CNTNAP2: variants seen among roughly 807,000 people sequenced by gnomAD.
CNTNAP2 encodes contactin associated protein 2, also known as contactin-associated protein-like 2.
In CNTNAP2, 98 loss-of-function variants were observed where a neutral mutation model predicts 155.2. The observed-to-expected ratio is 0.63, with a 90% confidence interval of 0.54 to 0.75. The LOEUF (loss-of-function observed/expected upper bound fraction) is 0.75. Ranked by LOEUF, CNTNAP2 falls within the 30% of genes least tolerant of loss-of-function variation. The pLI is 0.00. For missense variants in CNTNAP2, 1,727 were observed against 1,688.1 expected, an observed-to-expected ratio of 1.02 and a Z score of -0.40; for synonymous variants, 651 against 631.2, an observed-to-expected ratio of 1.03 and a Z score of -0.47.
chr7:147,480,003 A>G (rs915651327), intron 10 of CNTNAP2, among the ~76,000 whole-genome samples: 1 of 152,180 alleles, frequency 6.6e-6, no homozygotes, highest in African/African-American at 2.4e-5. Context: ...ATATCCTTTC[A>G]ACTGAAATCA....
At chr7:147,652,837 C>T (rs910349172) in intron 13 of CNTNAP2, among the ~76,000 whole-genome samples, 1 of 152,052 alleles carries the variant, frequency 6.6e-6, no homozygotes, top group South Asian at 2.1e-4. Flanking sequence ...TATATTGAAA[C>T]ATTAATATGG....
intron 15 of CNTNAP2, among the ~76,000 whole-genome samples, chr7:148,029,692 A>G (rs1281349337): frequency 1.3e-5 from 2 of 152,160 alleles, no homozygotes; most frequent in Non-Finnish European, 2.9e-5. Flanking sequence ...TAATACCTTG[A>G]CTCGATGGTA....
At chr7:147,962,436 C>T (rs904588887) in intron 14 of CNTNAP2, among the ~76,000 whole-genome samples, 4 of 152,116 alleles carry the variant, frequency 2.6e-5, no homozygotes, top group African/African-American at 9.7e-5. Flanking sequence ...TGAACTATTT[C>T]CTGTTATAGA....
At position 146,774,735 on chromosome 7, in the gene CNTNAP2, G is replaced by A. The variant is rs550777610; in HGVS notation, c.208+354G>A. 1.2e-4 allele frequency among the ~76,000 whole-genome samples: 18 copies of A among 152,056 alleles called. 1 individual carries two copies. In the Middle Eastern group the frequency reaches 0.017, roughly 145 times the overall value. On this transcript the variant is annotated intron_variant, in intron 2 of 23. Coordinates refer to ENST00000361727, the MANE Select transcript of CNTNAP2 (RefSeq NM_014141.6). ...AAGAATTGACTCCCAAAATGCGTAC[G>A]GTGTATTAAAAAAAGCACTTTGTAT...
At chr7:148,168,238 T>C (rs1360811743) in intron 17 of CNTNAP2, among the ~76,000 whole-genome samples, 1 of 152,086 alleles carries the variant, frequency 6.6e-6, no homozygotes, top group Middle Eastern at 3.4e-3. Context: ...TTATAAATCA[T>C]GCTGCTATAA....
intron 1 of CNTNAP2, among the ~76,000 whole-genome samples, chr7:146,576,189 G>A (rs1352537546): frequency 6.6e-6 from 1 of 152,196 alleles, no homozygotes; most frequent in Non-Finnish European, 1.5e-5. Context: ...ACTCCCATGT[G>A]ATACGGTGAT....
chr7:147,264,596 C>T (rs774522693), intron 8 of CNTNAP2, among the ~76,000 whole-genome samples: 18 of 150,572 alleles, frequency 1.2e-4, no homozygotes, highest in African/African-American at 4.4e-4. Context: ...AGGCTAGCCT[C>T]GTCAAGCCAT....
intron 9 of CNTNAP2, among the ~76,000 whole-genome samples, chr7:147,310,585 G>C (rs1203185262): frequency 2.6e-5 from 4 of 152,100 alleles, no homozygotes; most frequent in African/African-American, 9.7e-5. Context: ...TGTATATCTG[G>C]TGCAAATATG....
At chr7:146,697,489 T>C (rs1296154381) in intron 1 of CNTNAP2, among the ~76,000 whole-genome samples, 2 of 152,216 alleles carry the variant, frequency 1.3e-5, no homozygotes, top group African/African-American at 2.4e-5. Context: ...TCTTCCCTTC[T>C]CAGCCTCCCA....
intron 10 of CNTNAP2, among the ~76,000 whole-genome samples, chr7:147,472,855 T>G (rs1161285010): frequency 6.6e-6 from 1 of 152,204 alleles, no homozygotes; most frequent in Admixed American, 6.5e-5. Context: ...TGTTTGATCA[T>G]ATTCACCCAG....
rs117765822 is a variant in CNTNAP2 at position 146,570,708 on chromosome 7, T to C, written c.98-203563T>C. Among the ~76,000 whole-genome samples the C allele has an allele frequency of 5.9e-3, 893 of 152,256 alleles. 5 individuals are homozygous for C. Among genetic ancestry groups the C allele is most frequent in the Non-Finnish European group, 9.9e-3 (673 of 67,978 alleles). The stretch of plus-strand genomic sequence containing the variant: ...CCAGATTATCATTTTAGATTCTGTA[T>C]GTTGACATGACATGTAAGAACTGAT... On this transcript the variant is annotated intron_variant, in intron 1 of 23. Transcript: ENST00000361727.
At chr7:146,677,316 T>G (rs749827870) in intron 1 of CNTNAP2, among the ~76,000 whole-genome samples, 1 of 152,168 alleles carries the variant, frequency 6.6e-6, no homozygotes, top group Non-Finnish European at 1.5e-5. Context: ...ATATCTTGTT[T>G]GTGATAAGGG....
chr7:148,271,196 C>G (rs1005460052), intron 21 of CNTNAP2, among the ~76,000 whole-genome samples: 1 of 152,176 alleles, frequency 6.6e-6, no homozygotes, highest in Non-Finnish European at 1.5e-5. Context: ...ACACCACAGA[C>G]CATTGTTACC....
At chr7:146,367,114 G>A (rs1411479595) in intron 1 of CNTNAP2, among the ~76,000 whole-genome samples, 1 of 152,140 alleles carries the variant, frequency 6.6e-6, no homozygotes, top group Non-Finnish European at 1.5e-5. Context: ...CAAGGAGAGT[G>A]CATGATTTCA....
chr7:146,980,908 C>G lies in CNTNAP2; in HGVS notation c.403-62999C>G, dbSNP rs184164862. ...TTAGGGTTCCAGAGTCCCCTACATT[C>G]AGCTACTGAGTGTGGAAAACAGACA... On this transcript the variant is annotated intron_variant, in intron 3 of 23. Transcript: ENST00000361727. Among the ~76,000 whole-genome samples, 950 of 152,264 alleles carry G rather than the reference C, an allele frequency of 6.2e-3. 14 individuals are homozygous for G. Among genetic ancestry groups the G allele is most frequent in the African/African-American group, 0.022 (911 of 41,544 alleles).
At chr7:148,162,600 GTC>G (rs1489907809) in intron 17 of CNTNAP2, among the ~76,000 whole-genome samples, 2 of 152,214 alleles carry the variant, frequency 1.3e-5, no homozygotes, top group African/African-American at 2.4e-5. Context: ...TCAAAAAAGT[GTC>G]TTCTCTTTGT....
intron 10 of CNTNAP2, among the ~76,000 whole-genome samples, chr7:147,480,839 T>C (rs1798409243): frequency 6.6e-6 from 1 of 152,196 alleles, no homozygotes; most frequent in Non-Finnish European, 1.5e-5. Context: ...CCCGACCACA[T>C]GAGCATCACC....
In CNTNAP2 at chr7:146,432,104, CA is replaced by C. The variant is rs1796181189; in HGVS notation, c.97+315135del. On this transcript the variant is annotated intron_variant, in intron 1 of 23. Transcript: ENST00000361727. ...ATGACAGTAAAGAAATTATTCTGAG[CA>C]AAACCAACTAATTTCAACAGTCACA... Among the ~76,000 whole-genome samples the C allele has an allele frequency of 2.0e-5, 3 of 151,974 alleles. No individual in the cohort carries two copies. The South Asian group carries it at 6.2e-4, about 32-fold the overall frequency.
intron 1 of CNTNAP2, among the ~76,000 whole-genome samples, chr7:146,524,674 A>G (rs1463476147): frequency 6.6e-6 from 1 of 152,126 alleles, no homozygotes; most frequent in Non-Finnish European, 1.5e-5. Flanking sequence ...TCAGGGTGTC[A>G]CTAGTCAGCT....
Sources: allele counts gnomAD v4.1 joint callset (sites outside exome capture counted in the v4.1 genomes callset), GRCh38; gene constraint gnomAD v4.1.1; transcripts MANE v1.5; gene names NCBI Gene and HGNC (gene_info 2026-07-23, HGNC 2026-07-21).